The following KDM2A variants were observed in gnomAD, a reference collection of about 807,000 sequenced individuals.
KDM2A encodes lysine demethylase 2A, also known as lysine-specific demethylase 2A.
A neutral mutation model predicts 137.3 loss-of-function variants in KDM2A; 3 were observed. That is an observed-to-expected ratio of 0.02 (90% CI 0.01 to 0.06). KDM2A has a LOEUF of 0.06. Ranked by LOEUF, KDM2A falls within the 10% of genes least tolerant of loss-of-function variation. The pLI is 1.00. For synonymous variants in KDM2A, 512 were observed against 541.5 expected (o/e 0.95, Z 0.76); for missense variants, 738 against 1,510.6 (o/e 0.49, Z 8.48).
intron 8 of KDM2A, 46 bp from the exon 9 acceptor site, chr11:67,217,685 G>C (rs770340496): frequency 1.3e-6 from 2 of 1,597,640 alleles, no homozygotes; most frequent in South Asian, 1.1e-5. Context: ...GAGACGACTG[G>C]GTCATGTCAA....
chr11:67,214,329 C>T (rs1039309299), intron 6 of KDM2A, among the ~76,000 whole-genome samples: 10 of 151,792 alleles, frequency 6.6e-5, no homozygotes, highest in Admixed American at 3.3e-4. Context: ...CTCAGCCTCC[C>T]GAGTAGCTGG....
chr11:67,176,582 A>T (rs903447340), intron 2 of KDM2A, among the ~76,000 whole-genome samples: 3 of 152,228 alleles, frequency 2.0e-5, no homozygotes, highest in African/African-American at 4.8e-5. Flanking sequence ...AGGCAATTTC[A>T]TCATTGTACT....
chr11:67,227,455 T>C (rs1858581091), intron 10 of KDM2A, among the ~76,000 whole-genome samples: 1 of 152,146 alleles, frequency 6.6e-6, no homozygotes, highest in Non-Finnish European at 1.5e-5. Flanking sequence ...AAGTATTTTG[T>C]GTCTTACTCT....
At position 67,250,533 on chromosome 11, in the gene KDM2A, G is replaced by A. The variant is rs1859384474; in HGVS notation, c.2503G>A (p.Val835Met). 6 of 1,613,828 alleles carry A rather than the reference G, an allele frequency of 3.7e-6. No homozygotes were observed. Among genetic ancestry groups the A allele is most frequent in the African/African-American group, 1.3e-5 (1 of 74,938 alleles). ...TGCCAACCTTCGCCATTCCCCCCGT[G>A]TGCTAGTGCAGCACTGCCCAGCCCG... ...SSANLRHSPR[V>M]LVQHCPARTP... The change falls in exon 17 of 21, where the codon GTG (valine) becomes ATG (methionine). Residue 835 changes from valine to methionine, a missense_variant. By Grantham distance (21) the Val-to-Met change is conservative. This residue lies in a region of KDM2A where 244 missense variants were observed against 324.6 expected (regional missense o/e 0.75). Coordinates refer to ENST00000529006, the MANE Select transcript of KDM2A (RefSeq NM_012308.3). The surrounding 1 kb of genome is among the most constrained non-coding windows in gnomAD (Gnocchi z 7.1).
intron 9 of KDM2A, among the ~76,000 whole-genome samples, chr11:67,218,803 G>T (rs928754044): frequency 6.6e-6 from 1 of 152,102 alleles, no homozygotes; most frequent in Admixed American, 6.5e-5. Context: ...TAGAGACGGG[G>T]TTTCACCATG....
At chr11:67,195,938 CT>C in intron 5 of KDM2A, 1 of 420,958 alleles carries the variant, frequency 2.4e-6, no homozygotes. Context: ...CAGCAACTTT[CT>C]TTGCCAAATC....
intron 2 of KDM2A, among the ~76,000 whole-genome samples, chr11:67,131,286 C>T (rs550552538): frequency 1.4e-3 from 211 of 151,782 alleles, no homozygotes; most frequent in Middle Eastern, 3.4e-3. Flanking sequence ...ATCTCACCGT[C>T]GCACTCCAGC....
intron 2 of KDM2A, among the ~76,000 whole-genome samples, chr11:67,137,970 T>C (rs1856004932): frequency 6.6e-6 from 1 of 152,124 alleles, no homozygotes; most frequent in Admixed American, 6.5e-5. Flanking sequence ...GCTAATTTTT[T>C]GTATTTTAGT....
chr11:67,247,078 T>TATATATATATAA (rs1565424343), intron 15 of KDM2A, among the ~76,000 whole-genome samples: 1 of 77,788 alleles, frequency 1.3e-5, no homozygotes, highest in African/African-American at 5.7e-5. Flanking sequence ...TATATTTTTT[T>TATATATATATAA]TTTTTTTTTT....
intron 11 of KDM2A, among the ~76,000 whole-genome samples, chr11:67,230,076 T>C (rs1183306675): frequency 6.6e-6 from 1 of 151,274 alleles, no homozygotes; most frequent in Non-Finnish European, 1.5e-5. Flanking sequence ...TTTGGGAGGC[T>C]GAGGCAGAAG....
intron 2 of KDM2A, among the ~76,000 whole-genome samples, chr11:67,153,268 G>C (rs1375063811): frequency 6.6e-6 from 1 of 152,148 alleles, no homozygotes; most frequent in Non-Finnish European, 1.5e-5. Context: ...ACAGGTGTGA[G>C]CCACTGCACC....
intron 2 of KDM2A, among the ~76,000 whole-genome samples, chr11:67,174,689 ATGG>A (rs1229605491): frequency 6.6e-6 from 1 of 152,224 alleles, no homozygotes; most frequent in Non-Finnish European, 1.5e-5. Flanking sequence ...TAAACTGGGA[ATGG>A]TGAATATTTT....
chr11:67,251,179 T>C (rs2136462339), intron 17 of KDM2A, among the ~76,000 whole-genome samples: 1 of 152,352 alleles, frequency 6.6e-6, no homozygotes. Context: ...CTAGTCACTC[T>C]TCTGGTGCTG....
intron 2 of KDM2A, among the ~76,000 whole-genome samples, chr11:67,156,380 C>G (rs1590731485): frequency 6.6e-6 from 1 of 151,888 alleles, no homozygotes; most frequent in East Asian, 1.9e-4. Context: ...GTCAGGAGAT[C>G]AAGACCATCC....
chr11:67,127,199 T>C (rs1285261821), intron 2 of KDM2A, among the ~76,000 whole-genome samples: 1 of 152,142 alleles, frequency 6.6e-6, no homozygotes, highest in Non-Finnish European at 1.5e-5. Context: ...CTGGCTCAAG[T>C]GGTCCTCCCA....
intron 10 of KDM2A, among the ~76,000 whole-genome samples, chr11:67,222,607 T>G (rs74987127): frequency 0.033 from 2 of 60 alleles, no homozygotes; most frequent in Admixed American, 0.25. Flanking sequence ...CCAGACGGGG[T>G]GGTGGCCGGG....
chr11:67,249,655 C>T (rs755105510), intron 16 of KDM2A, among the ~76,000 whole-genome samples: 16 of 152,110 alleles, frequency 1.1e-4, no homozygotes, highest in Non-Finnish European at 1.8e-4. Flanking sequence ...TTATTATTCA[C>T]GTGGGGGTTG....
rs1323952923 is a variant in KDM2A, at chr11:67,254,382, T to G, written c.3271T>G (p.Ser1091Ala). The G allele has an allele frequency of 1.9e-6, 3 of 1,614,054 alleles. No individual in the cohort carries two copies. Among genetic ancestry groups the G allele is most frequent in the South Asian group, 2.2e-5 (2 of 91,084 alleles). Residue 1091 changes from serine (S) to alanine (A), a missense_variant, in exon 20 of 21, where the codon TCC becomes GCC. By Grantham distance (99) the Ser-to-Ala change is moderately conservative (BLOSUM62 1). Transcript: ENST00000529006. The surrounding 1 kb of genome is among the most constrained non-coding windows in gnomAD (Gnocchi z 4.7). ...SSNLLTAVGS[S>A]TRYSLTELNM... ...CAATCTACTCACTGCTGTCGGGTCT[T>G]CCACTCGCTACTCTCTCACAGAGCT... is the stretch of plus-strand genomic sequence containing the variant.
chr11:67,212,163 G>T (rs1468182083), intron 6 of KDM2A, among the ~76,000 whole-genome samples: 1 of 152,280 alleles, frequency 6.6e-6, no homozygotes, highest in South Asian at 2.1e-4. Flanking sequence ...GCAGGATATT[G>T]TGGAAGCATT....
Sources: gnomAD v4.1 joint callset for allele counts (sites outside exome capture counted in the v4.1 genomes callset) on GRCh38, gnomAD v4.1.1 for gene constraint, gnomAD v4.1.1 regional missense constraint, Gnocchi (gnomAD v3.1) non-coding constraint, MANE v1.5 for transcripts, NCBI Gene and HGNC (gene_info 2026-07-23, HGNC 2026-07-21) for gene names.